MEF2C: variants seen among roughly 807,000 people sequenced by gnomAD.
MEF2C encodes the protein myocyte-specific enhancer factor 2C.
MEF2C carries 6 observed loss-of-function variants against 50.5 expected under a neutral mutation model. That is an observed-to-expected ratio of 0.12 (90% CI 0.07 to 0.23). The LOEUF (loss-of-function observed/expected upper bound fraction) is 0.23. Among genes scored for constraint, MEF2C ranks in the 10% least tolerant of loss-of-function variants. The pLI, the probability that MEF2C is intolerant of heterozygous loss-of-function variation, is 1.00. For missense variants in MEF2C, 276 were observed against 605.0 expected (o/e 0.46, Z 5.70); for synonymous variants, 183 against 228.0 (o/e 0.80, Z 1.78).
chr5:88,872,083 AAATT>A (rs1213995237), intron 1 of MEF2C, among the ~76,000 whole-genome samples: 2 of 152,224 alleles, frequency 1.3e-5, no homozygotes, highest in East Asian at 1.9e-4. Flanking sequence ...CATTCATCAT[AAATT>A]AATTCCATTT....
intron 4 of MEF2C, chr5:88,752,543 A>C: frequency 2.2e-6 from 2 of 901,364 alleles, no homozygotes; most frequent in Non-Finnish European, 2.7e-6. Flanking sequence ...CATTTTTTAA[A>C]GTCTATGTTT....
At chr5:88,750,964 A>G (rs1304591610) in intron 5 of MEF2C, 1 of 450,302 alleles carries the variant, frequency 2.2e-6, no homozygotes, top group East Asian at 1.6e-4. Context: ...GCAAATATAT[A>G]ATGGTTTGCT....
intron 3 of MEF2C, among the ~76,000 whole-genome samples, chr5:88,799,972 G>A (rs2153039801): frequency 6.6e-6 from 1 of 151,796 alleles, no homozygotes; most frequent in East Asian, 1.9e-4. Context: ...CCTCTACTGA[G>A]ACAGTTGTGA....
intron 1 of MEF2C, chr5:88,892,151 T>G (rs1194752268): frequency 1.3e-5 from 2 of 152,174 alleles, no homozygotes; most frequent in Non-Finnish European, 2.9e-5. Context: ...TTAGAGAAAA[T>G]GTTTCACTTC....
intron 1 of MEF2C, among the ~76,000 whole-genome samples, chr5:88,840,626 G>C (rs1816988533): frequency 6.6e-6 from 1 of 152,024 alleles, no homozygotes; most frequent in Non-Finnish European, 1.5e-5. Context: ...TGTATTTAGA[G>C]AGTTTGTTTT....
At chr5:88,782,147 T>A (rs1481778848) in intron 3 of MEF2C, 1 of 981,176 alleles carries the variant, frequency 1.0e-6, no homozygotes, top group African/African-American at 1.8e-5. Flanking sequence ...TGTTTCAATT[T>A]ACTGTAAAGA....
At chr5:88,751,117 T>G (rs991915905) in intron 5 of MEF2C, 2 of 981,930 alleles carry the variant, frequency 2.0e-6, no homozygotes, top group East Asian at 1.1e-4. Context: ...AAATGTTCTT[T>G]AAATCCAGTA....
intron 3 of MEF2C, among the ~76,000 whole-genome samples, chr5:88,778,317 T>C (rs1488511358): frequency 6.6e-6 from 1 of 152,130 alleles, no homozygotes; most frequent in East Asian, 1.9e-4. Flanking sequence ...ATTACAATGA[T>C]TAGAGTAATA....
intron 6 of MEF2C, chr5:88,740,639 C>T: frequency 2.6e-5 from 25 of 967,302 alleles, no homozygotes; most frequent in Non-Finnish European, 3.0e-5. Flanking sequence ...CTTGTATTTG[C>T]AAATAAGGAA....
At chr5:88,735,162 C>T in intron 6 of MEF2C, 1 of 985,312 alleles carries the variant, frequency 1.0e-6, no homozygotes, top group Non-Finnish European at 1.2e-6. Context: ...CTAAGAAGAG[C>T]CTGCATTTAA....
At chr5:88,793,992 G>A (rs1036516225) in intron 3 of MEF2C, among the ~76,000 whole-genome samples, 3 of 152,164 alleles carry the variant, frequency 2.0e-5, no homozygotes, top group South Asian at 2.1e-4. Context: ...TTTTATGGCT[G>A]CATAGTATTC....
chr5:88,856,571 A>G (rs1823441965), intron 1 of MEF2C, among the ~76,000 whole-genome samples: 1 of 152,184 alleles, frequency 6.6e-6, no homozygotes, highest in Non-Finnish European at 1.5e-5. Context: ...TAGGAGGAAA[A>G]AAAGGTTTTG....
chr5:88,747,333 C>A, intron 6 of MEF2C, among the ~76,000 whole-genome samples: 1 of 21,748 alleles, frequency 4.6e-5, no homozygotes, highest in African/African-American at 1.1e-4. Flanking sequence ...TTTTTTACTA[C>A]TTTTTTTTTT....
At chr5:88,760,287 TTGAC>T (rs977766730) in intron 4 of MEF2C, among the ~76,000 whole-genome samples, 13 of 152,240 alleles carry the variant, frequency 8.5e-5, no homozygotes, top group Non-Finnish European at 1.8e-4. Context: ...AGGCATATGA[TTGAC>T]TGTTAGAATT....
At chr5:88,839,634 AAG>A (rs2153309426) in intron 1 of MEF2C, 1 of 152,274 alleles carries the variant, frequency 6.6e-6, no homozygotes, top group African/African-American at 2.4e-5. Context: ...CTGAAAAGGA[AAG>A]AGTGTGCATA....
At chr5:88,833,382 C>A (rs1213123079) in intron 1 of MEF2C, among the ~76,000 whole-genome samples, 2 of 152,060 alleles carry the variant, frequency 1.3e-5, no homozygotes, top group Non-Finnish European at 2.9e-5. Flanking sequence ...AATTTTAGAG[C>A]ATGCTTCTGC....
Position 88,739,095 on chromosome 5 carries a change from A to G in MEF2C, c.638-7194T>C, listed in dbSNP as rs1249500012. 4 of 985,288 alleles carry G rather than the reference A, an allele frequency of 4.1e-6. No individual in the cohort carries two copies. The African/African-American group carries it at 7.0e-5, about 17-fold the overall frequency. 61.0% of individuals were successfully genotyped at this position (985,288 alleles called of 1,614,324 possible). ...TCAATTTAAGAGACCAGCTTCTATC[A>G]GAAACACCCAATGTTACAGTGAAAT... is the stretch of plus-strand genomic sequence containing the variant. On this transcript the variant is annotated intron_variant, in intron 6 of 10. Coordinates refer to ENST00000504921, the MANE Select transcript of MEF2C (RefSeq NM_002397.5).
chr5:88,891,809 A>ATTGTT (rs1289679191), intron 1 of MEF2C, among the ~76,000 whole-genome samples: 1 of 151,936 alleles, frequency 6.6e-6, no homozygotes, highest in African/African-American at 2.4e-5. Context: ...TATTAGTTTT[A>ATTGTT]TTGTTTTGTT....
At chr5:88,753,536 T>C (rs967404772) in intron 4 of MEF2C, among the ~76,000 whole-genome samples, 1 of 152,144 alleles carries the variant, frequency 6.6e-6, no homozygotes, top group Admixed American at 6.5e-5. Context: ...GTGGTTGGCA[T>C]GTGCCACCAC....
Sources: allele counts gnomAD v4.1 joint callset (sites outside exome capture counted in the v4.1 genomes callset), GRCh38; gene constraint gnomAD v4.1.1; transcripts MANE v1.5; gene names NCBI Gene and HGNC (gene_info 2026-07-23, HGNC 2026-07-21).